The following HCRTR2 variants were observed in gnomAD, a reference collection of about 807,000 sequenced individuals.
The protein encoded by HCRTR2 is hypocretin receptor 2.
In HCRTR2, 22 loss-of-function variants were observed where a neutral mutation model predicts 49.0. The ratio of observed to expected loss-of-function variants is 0.45; its 90% confidence interval spans 0.32 to 0.64. The LOEUF (loss-of-function observed/expected upper bound fraction) is 0.64. Among genes scored for constraint, HCRTR2 ranks in the 30% least tolerant of loss-of-function variants. The probability of loss-of-function intolerance (pLI) is 0.04; values close to 1 mark genes in which losing one functional copy is unlikely to be tolerated. For synonymous variants in HCRTR2, 236 were observed against 205.3 expected (o/e 1.15, Z -1.28); for missense variants, 491 against 559.4 (o/e 0.88, Z 1.23).
intron 3 of HCRTR2, 75 bp from the exon 4 acceptor site, chr6:55,263,632 A>G (rs1391671923): frequency 7.7e-6 from 6 of 775,952 alleles, no homozygotes; most frequent in Non-Finnish European, 1.1e-5. Context: ...CTTTGAAGAA[A>G]AGCATTGACA....
At position 55,276,143 on chromosome 6, in the gene HCRTR2, T is replaced by C. The variant is rs1434025578; in HGVS notation, c.763-1237T>C. Among the ~76,000 whole-genome samples, 3 of 152,174 alleles carry C rather than the reference T, an allele frequency of 2.0e-5. No homozygotes were observed. The East Asian group carries it at 5.8e-4, about 29-fold the overall frequency. On this transcript the variant is annotated intron_variant, in intron 4 of 6. Transcript: ENST00000370862. The stretch of plus-strand genomic sequence containing the variant: ...TCTCCCCAACCAGTGGGTTAAAAGA[T>C]TGAGTTGAACCACTACTATGTAAAA...
At chr6:55,138,428 A>G (rs1318154669) in intron 1 of HCRTR2, among the ~76,000 whole-genome samples, 1 of 152,244 alleles carries the variant, frequency 6.6e-6, no homozygotes, top group African/African-American at 2.4e-5. Context: ...AAATAAATGA[A>G]GACACTATTA....
intron 1 of HCRTR2, among the ~76,000 whole-genome samples, chr6:55,149,429 G>A (rs1346239935): frequency 6.6e-6 from 1 of 152,060 alleles, no homozygotes; most frequent in Non-Finnish European, 1.5e-5. Flanking sequence ...TGGGTAAAAA[G>A]TGAGGTGAGC....
At chr6:55,244,277 T>TA (rs1766389853) in intron 1 of HCRTR2, among the ~76,000 whole-genome samples, 1 of 152,078 alleles carries the variant, frequency 6.6e-6, no homozygotes, top group Non-Finnish European at 1.5e-5. Context: ...CTATATATTT[T>TA]ATCCATTAAA....
intron 1 of HCRTR2, among the ~76,000 whole-genome samples, chr6:55,123,359 C>G (rs912511391): frequency 1.3e-4 from 19 of 151,888 alleles, no homozygotes; most frequent in Non-Finnish European, 2.6e-4. Context: ...TTGTCAAAAG[C>G]CTTTTCTGCA....
At chr6:55,234,931 T>C (rs764345027) in intron 1 of HCRTR2, among the ~76,000 whole-genome samples, 3 of 152,120 alleles carry the variant, frequency 2.0e-5, no homozygotes, top group African/African-American at 4.8e-5. Context: ...AGCCCTGAAT[T>C]AGAATGAACC....
intron 1 of HCRTR2, among the ~76,000 whole-genome samples, chr6:55,156,548 C>A (rs772067489): frequency 6.6e-6 from 1 of 151,622 alleles, no homozygotes; most frequent in Non-Finnish European, 1.5e-5. Flanking sequence ...GTCTCTCTCT[C>A]ACTCTCTCTT....
intron 1 of HCRTR2, among the ~76,000 whole-genome samples, chr6:55,206,738 A>T (rs1024661220): frequency 1.3e-5 from 2 of 152,090 alleles, no homozygotes; most frequent in African/African-American, 4.8e-5. Flanking sequence ...AGTGTCCTAT[A>T]TGCAGAAATA....
At chr6:55,134,211 T>TTTTG (rs146948526) in intron 1 of HCRTR2, among the ~76,000 whole-genome samples, 40,362 of 150,910 alleles carry the variant, frequency 0.27, 6,121 homozygotes, top group African/African-American at 0.41. Context: ...ATTATTCTGT[T>TTTTG]TTTGTTTGTT....
At chr6:55,134,570 G>A (rs958152485) in intron 1 of HCRTR2, among the ~76,000 whole-genome samples, 11 of 151,834 alleles carry the variant, frequency 7.2e-5, no homozygotes, top group African/African-American at 2.7e-4. Context: ...TAGATCCCCA[G>A]ATCTTATTCA....
intron 1 of HCRTR2, among the ~76,000 whole-genome samples, chr6:55,135,247 AAAACAC>A (rs1481209024): frequency 3.3e-5 from 5 of 152,126 alleles, no homozygotes; most frequent in Admixed American, 2.0e-4. Flanking sequence ...AGTATCCAGC[AAAACAC>A]TTAGACTTTT....
chr6:55,214,479 A>G (rs961217442), intron 1 of HCRTR2, among the ~76,000 whole-genome samples: 1 of 152,044 alleles, frequency 6.6e-6, no homozygotes, highest in African/African-American at 2.4e-5. Context: ...CTAGAGACAC[A>G]TGCCACTGTG....
chr6:55,179,721 T>G (rs943143477), intron 1 of HCRTR2, among the ~76,000 whole-genome samples: 1 of 152,280 alleles, frequency 6.6e-6, no homozygotes, highest in Admixed American at 6.5e-5. Context: ...AATGCTCCAG[T>G]TTTTAGAAAA....
chr6:55,130,863 A>G (rs1219151425), intron 1 of HCRTR2, among the ~76,000 whole-genome samples: 3 of 151,920 alleles, frequency 2.0e-5, no homozygotes, highest in South Asian at 2.1e-4. Context: ...TATTTTCTCA[A>G]TGACAGCATC....
chr6:55,266,512 T>G (rs1186184687), intron 4 of HCRTR2, among the ~76,000 whole-genome samples: 1 of 152,194 alleles, frequency 6.6e-6, no homozygotes, highest in African/African-American at 2.4e-5. Flanking sequence ...AAGCAATTAA[T>G]GAGCATGTAG....
chr6:55,200,877 T>A (rs552883341), intron 1 of HCRTR2, among the ~76,000 whole-genome samples: 1 of 152,312 alleles, frequency 6.6e-6, no homozygotes, highest in East Asian at 1.9e-4. Flanking sequence ...TATTTCAATA[T>A]TCAATTATAG....
intron 1 of HCRTR2, among the ~76,000 whole-genome samples, chr6:55,228,038 T>C (rs759343986): frequency 3.3e-5 from 5 of 151,862 alleles, no homozygotes; most frequent in Non-Finnish European, 7.4e-5. Context: ...AAACAGACAG[T>C]GAGGGAGGAG....
At chr6:55,180,024 C>G (rs974453615) in intron 1 of HCRTR2, among the ~76,000 whole-genome samples, 28 of 152,198 alleles carry the variant, frequency 1.8e-4, no homozygotes, top group Admixed American at 3.3e-4. Flanking sequence ...ATTGGTGAAG[C>G]TGACGGTATT....
At chr6:55,108,820 TG>T (rs376959252) in intron 1 of HCRTR2, among the ~76,000 whole-genome samples, 1 of 151,918 alleles carries the variant, frequency 6.6e-6, no homozygotes, top group Admixed American at 6.6e-5. Context: ...AGGGCAGAAC[TG>T]GGGGGTTGGG....
Sources: gnomAD v4.1 joint callset for allele counts (sites outside exome capture counted in the v4.1 genomes callset) on GRCh38, gnomAD v4.1.1 for gene constraint, MANE v1.5 for transcripts, NCBI Gene and HGNC (gene_info 2026-07-23, HGNC 2026-07-21) for gene names.